EXOSC1: variants seen among roughly 807,000 people sequenced by gnomAD.
The protein encoded by EXOSC1 is exosome complex component CSL4.
EXOSC1 carries 27 observed loss-of-function variants against 31.4 expected under a neutral mutation model. The observed-to-expected ratio is 0.86, with a 90% CI of 0.63 to 1.18. The LOEUF is 1.18. Ranked by LOEUF, EXOSC1 falls within the 50% of genes most tolerant of loss-of-function variation. The pLI, the probability that EXOSC1 is intolerant of heterozygous loss-of-function variation, is 0.00. For missense variants in EXOSC1, 228 were observed against 250.3 expected (o/e 0.91, Z 0.60); for synonymous variants, 84 against 89.5 (o/e 0.94, Z 0.35).
At chr10:97,437,959 G>T (rs917984071) in intron 5 of EXOSC1, among the ~76,000 whole-genome samples, 1 of 151,564 alleles carries the variant, frequency 6.6e-6, no homozygotes, top group Non-Finnish European at 1.5e-5. Flanking sequence ...TCGCTCTGTC[G>T]CCCACACTGG....
At chr10:97,444,919 G>C (rs1452663212) in intron 2 of EXOSC1, 2 of 152,202 alleles carry the variant, frequency 1.3e-5, no homozygotes, top group Non-Finnish European at 2.9e-5. Context: ...CATTTATTGA[G>C]GAGCTGCCTT....
At chr10:97,440,978 T>C in intron 4 of EXOSC1, 193 bp downstream of exon 4, 1 of 474,786 alleles carries the variant, frequency 2.1e-6, no homozygotes, top group Non-Finnish European at 3.7e-6. Context: ...ACCCTCTCGT[T>C]AATATTTTCC....
chr10:97,436,341 G>T lies in EXOSC1; in HGVS notation c.*104C>A. On this transcript the variant is annotated 3_prime_UTR_variant, in exon 8 of 8. Coordinates refer to ENST00000370902, the MANE Select transcript of EXOSC1 (RefSeq NM_016046.5). ...CAGCGTAAACTGGAAGATTTTTCTG[G>T]AAGTGGCTGTTGGCCGACGCCAGGT... 1 of 799,334 alleles carries T rather than the reference G, an allele frequency of 1.3e-6. No homozygotes were observed. Among genetic ancestry groups the T allele is most frequent in the Middle Eastern group, 2.3e-4 (1 of 4,376 alleles). 49.5% of individuals were successfully genotyped at this position (799,334 alleles called of 1,614,324 possible). A position where few individuals can be genotyped will look rare whatever the true frequency, so the allele number is the denominator to read the frequency against.
At chr10:97,444,755 C>T (rs568419083) in intron 2 of EXOSC1, 47 of 152,312 alleles carry the variant, frequency 3.1e-4, no homozygotes, top group African/African-American at 1.1e-3. Flanking sequence ...GTTACTTACT[C>T]AAAGCAGAAT....
intron 3 of EXOSC1, among the ~76,000 whole-genome samples, chr10:97,441,870 C>T (rs1479636986): frequency 2.0e-5 from 2 of 97,760 alleles, no homozygotes; most frequent in East Asian, 2.9e-4. Context: ...AGATGGCTAA[C>T]AATTAAAAAA....
chr10:97,445,876 G>A, intron 1 of EXOSC1, 29 bp from the exon 2 acceptor site: 1 of 1,613,632 alleles, frequency 6.2e-7, no homozygotes, highest in Non-Finnish European at 8.5e-7. Flanking sequence ...ATCGGTCACG[G>A]GCCCCCAGAA....
chr10:97,444,518 C>T (rs186351924), intron 2 of EXOSC1: 70 of 152,290 alleles, frequency 4.6e-4, no homozygotes, highest in African/African-American at 1.6e-3. Context: ...CTCAAGGTGC[C>T]CTGTAATATT....
Position 97,443,227 on chromosome 10 carries a change from A to G in EXOSC1, c.222+10T>C. 5 of 1,612,852 alleles carry G rather than the reference A, an allele frequency of 3.1e-6. No homozygotes were observed. Among genetic ancestry groups the G allele is most frequent in the Non-Finnish European group, 4.2e-6 (5 of 1,179,152 alleles). On this transcript the variant is annotated intron_variant, in intron 3 of 7. Coordinates refer to ENST00000370902, the MANE Select transcript of EXOSC1 (RefSeq NM_016046.5). ...GGGCATTCTAAGCATGGAGGTCAGGACCAACTTACCTTACAGGTTACAATA... is the reference window on the plus strand; with the variant it reads ...GGGCATTCTAAGCATGGAGGTCAGGGCCAACTTACCTTACAGGTTACAATA...
chr10:97,445,448 C>T (rs1268983948), intron 2 of EXOSC1: 3 of 501,654 alleles, frequency 6.0e-6, no homozygotes, highest in Non-Finnish European at 1.1e-5. Flanking sequence ...CAGTATGCAA[C>T]TCACTGCTGG....
At chr10:97,438,387 C>G (rs113889710) in intron 5 of EXOSC1, among the ~76,000 whole-genome samples, 1 of 151,764 alleles carries the variant, frequency 6.6e-6, no homozygotes. Flanking sequence ...ACCTCAAACT[C>G]CTGGGCTCAA....
At chr10:97,438,642 C>T (rs747596929) in intron 5 of EXOSC1, 28 bp downstream of exon 5, 3 of 1,602,420 alleles carry the variant, frequency 1.9e-6, no homozygotes, top group African/African-American at 1.4e-5. Context: ...TACGTAAAGC[C>T]ATTAAAAAAA....
At chr10:97,438,533 G>T in intron 5 of EXOSC1, 137 bp downstream of exon 5, 1 of 770,458 alleles carries the variant, frequency 1.3e-6, no homozygotes, top group Non-Finnish European at 2.2e-6. Context: ...TTGAAGTCCT[G>T]GACTCAAGTG....
At chr10:97,441,580 T>C (rs1845717916) in intron 3 of EXOSC1, among the ~76,000 whole-genome samples, 1 of 143,566 alleles carries the variant, frequency 7.0e-6, no homozygotes, top group Non-Finnish European at 1.5e-5. Flanking sequence ...AACCTCCGCC[T>C]CCTGGGTTCA....
intron 2 of EXOSC1, chr10:97,445,066 G>GT (rs1214481788): frequency 6.6e-6 from 1 of 152,018 alleles, no homozygotes; most frequent in Non-Finnish European, 1.5e-5. Context: ...AAGGAACAGA[G>GT]TTTTTTGTGA....
rs1845537251 is a variant in EXOSC1, at chr10:97,436,420, C to G, written c.*25G>C. On this transcript the variant is annotated 3_prime_UTR_variant, in exon 8 of 8. Coordinates refer to ENST00000370902, the MANE Select transcript of EXOSC1 (RefSeq NM_016046.5). ...GTTATACTCAGGAACAGCTTACCCC[C>G]TTCCATAGGGTAAAAAGTGGCTTCT... 1 of 1,549,546 alleles carries G rather than the reference C, an allele frequency of 6.5e-7. No individual in the cohort carries two copies. The highest frequency in any genetic ancestry group is 8.9e-7 in the Non-Finnish European group (1 of 1,122,164).
intron 2 of EXOSC1, chr10:97,445,330 G>A (rs187974543): frequency 5.6e-6 from 1 of 179,138 alleles, no homozygotes; most frequent in Non-Finnish European, 1.2e-5. Context: ...GGCAAGCAGA[G>A]ACTGTGATTA....
intron 3 of EXOSC1, 62 bp downstream of exon 3, chr10:97,443,174 TG>T: frequency 7.2e-7 from 1 of 1,385,926 alleles, no homozygotes; most frequent in Non-Finnish European, 1.0e-6. Context: ...ACTGCAGTTC[TG>T]GTATGGTCAT....
chr10:97,437,070 C>A, intron 7 of EXOSC1, 121 bp downstream of exon 7: 1 of 880,822 alleles, frequency 1.1e-6, no homozygotes, highest in Non-Finnish European at 1.8e-6. Flanking sequence ...TCATTCTAAT[C>A]TCAGAGGGAA....
chr10:97,437,305 GAGGAGTT>G, intron 6 of EXOSC1, 30 bp from the exon 7 acceptor site: 1 of 1,575,754 alleles, frequency 6.3e-7, no homozygotes, highest in African/African-American at 1.4e-5. Context: ...GAAGGAAAAT[GAGGAGTT>G]AGAAGTCTTC....
Sources: gnomAD v4.1 joint callset for allele counts (sites outside exome capture counted in the v4.1 genomes callset) on GRCh38, gnomAD v4.1.1 for gene constraint, MANE v1.5 for transcripts, NCBI Gene and HGNC (gene_info 2026-07-23, HGNC 2026-07-21) for gene names.